Variants in FRAS1 observed in about 807,000 individuals in gnomAD.
FRAS1 encodes the protein Fraser extracellular matrix complex subunit 1.
FRAS1 carries 290 observed loss-of-function variants against 435.2 expected under a neutral mutation model. That is an observed-to-expected ratio of 0.67 (90% CI 0.61 to 0.73). The LOEUF (loss-of-function observed/expected upper bound fraction) is 0.73. Ranked by LOEUF, FRAS1 falls within the 30% of genes least tolerant of loss-of-function variation. The pLI, the probability that FRAS1 is intolerant of heterozygous loss-of-function variation, is 0.00. For missense variants in FRAS1, 4,860 were observed against 5,001.5 expected, an observed-to-expected ratio of 0.97 and a Z score of 0.85; for synonymous variants, 1,800 against 1,851.0, an observed-to-expected ratio of 0.97 and a Z score of 0.71.
chr4:78,180,542 G>C (rs892277188), intron 2 of FRAS1, among the ~76,000 whole-genome samples: 2 of 152,176 alleles, frequency 1.3e-5, no homozygotes, highest in Admixed American at 1.3e-4. Context: ...GGTACACACT[G>C]TTCACACCTA....
chr4:78,247,752 C>T (rs1725310288), intron 4 of FRAS1, among the ~76,000 whole-genome samples: 1 of 152,140 alleles, frequency 6.6e-6, no homozygotes, highest in South Asian at 2.1e-4. Flanking sequence ...CAGTGATCTT[C>T]TCTCTTTGGC....
At chr4:78,329,622 G>T (rs183786562) in intron 18 of FRAS1, among the ~76,000 whole-genome samples, 1 of 152,224 alleles carries the variant, frequency 6.6e-6, no homozygotes, top group Admixed American at 6.5e-5. Context: ...TGGAGATGGG[G>T]TAGTGAGTCT....
chr4:78,446,581 A>C (rs954425497), intron 42 of FRAS1, 146 bp from the exon 43 acceptor site: 5 of 1,394,402 alleles, frequency 3.6e-6, no homozygotes, highest in Non-Finnish European at 4.6e-6. Context: ...CAAACTAACT[A>C]TTTTGCTTGG....
intron 2 of FRAS1, among the ~76,000 whole-genome samples, chr4:78,116,361 C>G (rs1377378782): frequency 6.6e-6 from 1 of 152,258 alleles, no homozygotes; most frequent in Non-Finnish European, 1.5e-5. Flanking sequence ...TGGTGCAGAG[C>G]TGAGTTTAAT....
At chr4:78,526,996 A>G (rs1271061041) in intron 70 of FRAS1, among the ~76,000 whole-genome samples, 1 of 152,204 alleles carries the variant, frequency 6.6e-6, no homozygotes, top group Non-Finnish European at 1.5e-5. Context: ...AGTGTTTTCT[A>G]GTATTTCTAA....
chr4:78,275,889 G>A (rs1020654764), intron 9 of FRAS1, among the ~76,000 whole-genome samples: 35 of 152,236 alleles, frequency 2.3e-4, no homozygotes, highest in Middle Eastern at 6.8e-3. Flanking sequence ...AAGTTCTCCT[G>A]GATAATATAC....
Position 78,119,073 on chromosome 4 carries a change from A to G in FRAS1, c.108+53057A>G, listed in dbSNP as rs1367299946. Among the ~76,000 whole-genome samples, 3 of 152,194 alleles carry G rather than the reference A, an allele frequency of 2.0e-5. No individual in the cohort carries two copies. In the East Asian group the frequency reaches 5.8e-4, roughly 29 times the overall value. On this transcript the variant is annotated intron_variant, in intron 2 of 73. Transcript: ENST00000512123. Reference sequence around the variant, plus strand: ...TCTTATCATGTTCTTTTAAAAAAATAATTGTATATATTCATGAGGTACGTA... The same window carrying G: ...TCTTATCATGTTCTTTTAAAAAAATGATTGTATATATTCATGAGGTACGTA...
rs776622698 is a variant in FRAS1 at position 78,315,632 on chromosome 4, C to A, written c.1717C>A (p.Pro573Thr). 4 of 1,613,378 alleles carry A rather than the reference C, an allele frequency of 2.5e-6. No individual in the cohort carries two copies. Among genetic ancestry groups the A allele is most frequent in the East Asian group, 4.5e-5 (2 of 44,870 alleles). ...CTGTGACAGTTGTGGCCCCAGTAGC[C>A]CCAGGTGTCTTACCTGTACTGAGAA... The part of the protein sequence containing the change: ...QSCDSCGPSS[P>T]RCLTCTEKTV... The change falls in exon 16 of 74, where the codon CCC (proline) becomes ACC (threonine). Residue 573 changes from proline to threonine, a missense_variant. Transcript: ENST00000512123.
chr4:78,503,290 A>G (rs1025755927), intron 61 of FRAS1, among the ~76,000 whole-genome samples: 5 of 152,226 alleles, frequency 3.3e-5, no homozygotes, highest in African/African-American at 1.2e-4. Context: ...AAGGAATGGT[A>G]CCAGCTCTTC....
rs146379081 is a variant in FRAS1, at chr4:78,223,055, G to A, written c.109-14455G>A. On this transcript the variant is annotated intron_variant, in intron 2 of 73. Transcript: ENST00000512123. ...TGGCTTCCTGGCAAACAGTGAGGCT[G>A]GAAGCAAATCGAGTGAAGCATTTTT... 1.8e-3 allele frequency among the ~76,000 whole-genome samples: 274 copies of A among 152,288 alleles called. 1 individual carries two copies. Among genetic ancestry groups the A allele is most frequent in the Non-Finnish European group, 1.7e-3 (114 of 68,024 alleles).
intron 38 of FRAS1, among the ~76,000 whole-genome samples, chr4:78,435,919 A>G (rs779404102): frequency 6.6e-6 from 1 of 152,170 alleles, no homozygotes; most frequent in Non-Finnish European, 1.5e-5. Flanking sequence ...CCATAAGTAA[A>G]ATTTTACAAA....
chr4:78,407,825 A>G lies in FRAS1; in HGVS notation c.4292A>G (p.Asp1431Gly), dbSNP rs1733161949. The change falls in exon 31 of 74, where the codon GAC becomes GGC. Residue 1431 changes from aspartate to glycine, a missense_variant. Asp to Gly is a moderately conservative substitution (Grantham distance 94, BLOSUM62 -1). Coordinates refer to ENST00000512123, the MANE Select transcript of FRAS1 (RefSeq NM_025074.7). ...CACTCAGGAGCCCCAGCCCAGAGCGACTCCTTCCGCTTCGAGGTACCCTCT... is the reference window on the plus strand; with the variant it reads ...CACTCAGGAGCCCCAGCCCAGAGCGGCTCCTTCCGCTTCGAGGTACCCTCT... ...YRHSGAPAQS[D>G]SFRFEVSSAS... 1.2e-6 allele frequency: 2 copies of G among 1,601,134 alleles called. No individual in the cohort carries two copies. The highest frequency in any genetic ancestry group is 2.7e-5 in the African/African-American group (2 of 74,398).
chr4:78,491,893 T>A (rs1402835219), intron 59 of FRAS1, among the ~76,000 whole-genome samples: 1 of 152,176 alleles, frequency 6.6e-6, no homozygotes, highest in East Asian at 1.9e-4. Context: ...TAATTGTATA[T>A]TTAGAAAACC....
chr4:78,479,732 T>A lies in FRAS1; in HGVS notation c.8443+14T>A. ...GTGAGGACGCAGGTAATGGAGAGTG[T>A]CTCTGAGTTTCCTTCACCTGTCTCC... On this transcript the variant is annotated intron_variant, in intron 56 of 73. Transcript: ENST00000512123. The A allele has an allele frequency of 6.5e-7, 1 of 1,532,504 alleles. No individual in the cohort carries two copies. Among genetic ancestry groups the A allele is most frequent in the Non-Finnish European group, 8.8e-7 (1 of 1,133,598 alleles). 94.9% of individuals were successfully genotyped at this position (1,532,504 alleles called of 1,614,324 possible). A position where few individuals can be genotyped will look rare whatever the true frequency, so the allele number is the denominator to read the frequency against.
At chr4:78,278,021 G>A (rs1727145147) in intron 9 of FRAS1, among the ~76,000 whole-genome samples, 1 of 152,022 alleles carries the variant, frequency 6.6e-6, no homozygotes, top group African/African-American at 2.4e-5. Flanking sequence ...CTGTGGTCTC[G>A]ATCTCCTGAC....
intron 2 of FRAS1, among the ~76,000 whole-genome samples, chr4:78,124,338 G>A (rs1005318741): frequency 6.6e-6 from 1 of 152,266 alleles, no homozygotes. Context: ...TGATCGTGGT[G>A]GATAAGCTTT....
chr4:78,295,236 A>T (rs1728092470), intron 14 of FRAS1, among the ~76,000 whole-genome samples: 1 of 152,196 alleles, frequency 6.6e-6, no homozygotes, highest in Admixed American at 6.5e-5. Flanking sequence ...TGTGGTAAAT[A>T]TTTTTGAATC....
intron 42 of FRAS1, chr4:78,446,278 G>C: frequency 4.0e-6 from 4 of 1,006,796 alleles, no homozygotes; most frequent in Non-Finnish European, 4.7e-6. Context: ...TGGTGGAAAG[G>C]GGCTGGCACC....
At chr4:78,132,196 G>C (rs1719714328) in intron 2 of FRAS1, among the ~76,000 whole-genome samples, 1 of 152,124 alleles carries the variant, frequency 6.6e-6, no homozygotes, top group Non-Finnish European at 1.5e-5. Context: ...CCCTGCAGAG[G>C]ATTTAGAAGT....
Sources: allele counts gnomAD v4.1 joint callset (sites outside exome capture counted in the v4.1 genomes callset), GRCh38; gene constraint gnomAD v4.1.1; transcripts MANE v1.5; gene names NCBI Gene and HGNC (gene_info 2026-07-23, HGNC 2026-07-21).